The following ZNF518A variants were observed in gnomAD, a reference collection of about 807,000 sequenced individuals.
ZNF518A encodes the protein zinc finger protein 518.
In ZNF518A, 47 loss-of-function variants were observed where a neutral mutation model predicts 102.7. The ratio of observed to expected loss-of-function variants is 0.46; its 90% CI spans 0.36 to 0.58. The LOEUF (loss-of-function observed/expected upper bound fraction) is 0.58. Ranked by LOEUF, ZNF518A falls within the 20% of genes least tolerant of loss-of-function variation. The probability of loss-of-function intolerance (pLI) is 0.00; values close to 1 mark genes in which losing one functional copy is unlikely to be tolerated. For missense variants in ZNF518A, 1,793 were observed against 1,699.8 expected, an observed-to-expected ratio of 1.05 and a Z score of -0.96; for synonymous variants, 652 against 594.6, an observed-to-expected ratio of 1.10 and a Z score of -1.40.
Position 96,159,733 on chromosome 10 carries a change from A to C in ZNF518A, c.3411A>C (p.Glu1137Asp). Residue 1137 changes from glutamate (E) to aspartate (D), a missense_variant, in exon 6 of 6, where the codon GAA becomes GAC. By Grantham distance (45) the Glu-to-Asp change is conservative. This residue lies in a region of ZNF518A where 1,741 missense variants were observed against 1,622.6 expected (regional missense o/e 1.07). Coordinates refer to ENST00000316045, the MANE Select transcript of ZNF518A (RefSeq NM_001330736.2). Reference protein sequence around the residue: ...TYQNIQPKKPEGTPQRILLKI... With the variant: ...TYQNIQPKKPDGTPQRILLKI... ...AAAATATACAGCCAAAGAAACCTGAAGGAACACCACAAAGAATATTGCTGA... is the reference window on the plus strand; with the variant it reads ...AAAATATACAGCCAAAGAAACCTGACGGAACACCACAAAGAATATTGCTGA... 6.2e-7 allele frequency: 1 copy of C among 1,613,312 alleles called. No homozygotes were observed.
intron 1 of ZNF518A, among the ~76,000 whole-genome samples, chr10:96,188,758 GT>G (rs1481506519): frequency 3.3e-5 from 5 of 152,062 alleles, no homozygotes; most frequent in African/African-American, 4.8e-5. Flanking sequence ...ATACCTGAAT[GT>G]AAAAAATGCA....
chr10:96,203,706 C>T (rs1273642691), intron 2 of ZNF518A: 1 of 174,424 alleles, frequency 5.7e-6, no homozygotes, highest in African/African-American at 2.4e-5. Flanking sequence ...TGTTTAGAAC[C>T]AAACACTATA....
chr10:96,204,658 T>G, downstream of ZNF518A: 1 of 1,594,408 alleles, frequency 6.3e-7, no homozygotes, highest in Non-Finnish European at 8.6e-7. Flanking sequence ...GAGTGAAATG[T>G]CTGTCCTCAT....
chr10:96,170,214 C>G (rs2083165739), intron 1 of ZNF518A, among the ~76,000 whole-genome samples: 1 of 152,172 alleles, frequency 6.6e-6, no homozygotes, highest in African/African-American at 2.4e-5. Flanking sequence ...GCTTTTCTTC[C>G]AAGCTTTTTG....
chr10:96,176,358 T>A (rs1295928189), intron 1 of ZNF518A, among the ~76,000 whole-genome samples: 1 of 152,060 alleles, frequency 6.6e-6, no homozygotes, highest in Non-Finnish European at 1.5e-5. Context: ...GAGAAAAAAA[T>A]ATTTGAAGCA....
Position 96,157,792 on chromosome 10 carries a change from C to T in ZNF518A, c.1470C>T (p.Asp490=). The change falls in exon 6 of 6, where the codon GAC becomes GAT. Residue 490 remains aspartate (D), a synonymous_variant. Transcript: ENST00000316045. ...CTAATTTGCAGCCCCAGACTTTGGA[C>T]ACTAATGGATTTTTAACAGGAGTAA... The part of the protein sequence containing the change: ...GTANLQPQTL[D]TNGFLTGVTT... The T allele has an allele frequency of 6.2e-7, 1 of 1,613,848 alleles. No homozygotes were observed. Among genetic ancestry groups the T allele is most frequent in the Non-Finnish European group, 8.5e-7 (1 of 1,179,782 alleles).
chr10:96,164,196 A>G (rs1439203915), downstream of ZNF518A, among the ~76,000 whole-genome samples: 1 of 152,254 alleles, frequency 6.6e-6, no homozygotes, highest in Non-Finnish European at 1.5e-5. Flanking sequence ...AGGTGAATTA[A>G]AAACAGAATA....
At chr10:96,202,179 C>T (rs2083660821) in intron 1 of ZNF518A, among the ~76,000 whole-genome samples, 1 of 152,080 alleles carries the variant, frequency 6.6e-6, no homozygotes, top group Non-Finnish European at 1.5e-5. Flanking sequence ...TTGGTGGACC[C>T]TTAACATGAC....
intron 1 of ZNF518A, chr10:96,201,057 T>C (rs1554896023): frequency 6.2e-7 from 1 of 1,613,734 alleles, no homozygotes; most frequent in Non-Finnish European, 8.5e-7. Context: ...CTTCTGTAAA[T>C]CCTGAAAGGG....
chr10:96,131,699 A>G (rs2081346320), intron 1 of ZNF518A, among the ~76,000 whole-genome samples: 1 of 152,252 alleles, frequency 6.6e-6, no homozygotes, highest in Admixed American at 6.5e-5. Context: ...GACAAAAGAC[A>G]GTAACCACAA....
At chr10:96,192,455 T>C (rs1383087723) in intron 1 of ZNF518A, among the ~76,000 whole-genome samples, 1 of 152,206 alleles carries the variant, frequency 6.6e-6, no homozygotes, top group Non-Finnish European at 1.5e-5. Context: ...ATCTCTTACT[T>C]TGCACAAGTC....
intron 1 of ZNF518A, among the ~76,000 whole-genome samples, chr10:96,175,900 T>C: frequency 8.5e-6 from 1 of 118,318 alleles, no homozygotes; most frequent in African/African-American, 3.1e-5. Flanking sequence ...CCTTCCTTCC[T>C]TCCTTCCTTC....
At chr10:96,152,069 T>G (rs897416207) in intron 3 of ZNF518A, among the ~76,000 whole-genome samples, 1 of 152,228 alleles carries the variant, frequency 6.6e-6, no homozygotes, top group Non-Finnish European at 1.5e-5. Context: ...CTCAACACTT[T>G]GGGAGGCCAA....
intron 1 of ZNF518A, chr10:96,189,578 T>TAAA: frequency 1.5e-6 from 1 of 681,636 alleles, no homozygotes. Context: ...CTTGTCCTTT[T>TAAA]AATCTTGGTG....
intron 3 of ZNF518A, among the ~76,000 whole-genome samples, chr10:96,142,591 T>C (rs1554876998): frequency 6.6e-6 from 1 of 152,122 alleles, no homozygotes; most frequent in Non-Finnish European, 1.5e-5. Context: ...TTAGTTTTTT[T>C]TTGGTGTTTA....
chr10:96,134,306 C>T (rs1219106746), intron 3 of ZNF518A, among the ~76,000 whole-genome samples: 2 of 152,244 alleles, frequency 1.3e-5, no homozygotes, highest in Non-Finnish European at 2.9e-5. Flanking sequence ...TCTCGGCTCA[C>T]TACAACCTCT....
chr10:96,170,020 A>G (rs1376171106), intron 1 of ZNF518A, among the ~76,000 whole-genome samples: 3 of 152,230 alleles, frequency 2.0e-5, no homozygotes, highest in Non-Finnish European at 4.4e-5. Flanking sequence ...ACACATCAAC[A>G]TTCAGCCAGG....
In ZNF518A at chr10:96,137,285, C is replaced by G. The variant is rs1439838251; in HGVS notation, c.-302+3637C>G. 2.0e-5 allele frequency among the ~76,000 whole-genome samples: 3 copies of G among 152,146 alleles called. No homozygotes were observed. In the East Asian group the frequency reaches 5.8e-4, roughly 29 times the overall value. On this transcript the variant is annotated intron_variant, in intron 3 of 5. Coordinates refer to ENST00000316045, the MANE Select transcript of ZNF518A (RefSeq NM_001330736.2). ...ATCAATTTTTTTATTTTTACTAGATCATTTTAATAAGCGTGCAGTCATACT... is the reference window on the plus strand; with the variant it reads ...ATCAATTTTTTTATTTTTACTAGATGATTTTAATAAGCGTGCAGTCATACT...
intron 1 of ZNF518A, among the ~76,000 whole-genome samples, chr10:96,171,528 T>C (rs1382290624): frequency 3.3e-5 from 5 of 152,076 alleles, no homozygotes; most frequent in Admixed American, 3.3e-4. Flanking sequence ...GCTAAAGGTG[T>C]TTAAAGGAAA....
Sources: allele counts gnomAD v4.1 joint callset (sites outside exome capture counted in the v4.1 genomes callset), GRCh38; gene constraint gnomAD v4.1.1; regional missense constraint gnomAD v4.1.1; transcripts MANE v1.5; gene names NCBI Gene and HGNC (gene_info 2026-07-23, HGNC 2026-07-21).